TIMM23: variants seen among roughly 807,000 people sequenced by gnomAD.
TIMM23 encodes mitochondrial import inner membrane translocase subunit Tim23.
In TIMM23, 19 loss-of-function variants were observed where a neutral mutation model predicts 30.7. The ratio of observed to expected loss-of-function variants is 0.62; its 90% confidence interval spans 0.43 to 0.91. The LOEUF (loss-of-function observed/expected upper bound fraction) is 0.91. TIMM23 is among the 40% of genes least tolerant of loss of function. TIMM23 has a pLI of 0.00. For synonymous variants in TIMM23, 78 were observed against 98.5 expected, an observed-to-expected ratio of 0.79 and a Z score of 1.23; for missense variants, 202 against 269.2, an observed-to-expected ratio of 0.75 and a Z score of 1.75.
At chr10:45,998,236 A>G (rs1838407887) in intron 6 of TIMM23, 2 of 281,082 alleles carry the variant, frequency 7.1e-6, no homozygotes, top group South Asian at 2.7e-4. Context: ...TGTGCTTTAA[A>G]GTCATTGTCA....
In TIMM23 at chr10:45,976,145, T is replaced by C. The variant is rs1406077806; in HGVS notation, c.165+633T>C. Among the ~76,000 whole-genome samples, 16 of 152,276 alleles carry C rather than the reference T, an allele frequency of 1.1e-4. No homozygotes were observed. The East Asian group carries it at 2.3e-3, about 22-fold the overall frequency. On this transcript the variant is annotated intron_variant, in intron 2 of 6. Coordinates refer to ENST00000580018, the MANE Select transcript of TIMM23 (RefSeq NM_006327.4). ...TCCAAGATATATTAGGAAATATATC[T>C]TGGGTATATTAGAAAAGCAAGGTTG...
At chr10:45,996,831 G>C (rs2132279825) in intron 6 of TIMM23, among the ~76,000 whole-genome samples, 1 of 151,964 alleles carries the variant, frequency 6.6e-6, no homozygotes, top group African/African-American at 2.4e-5. Flanking sequence ...CGGGCTTGGT[G>C]GTGGGCACCT....
intron 6 of TIMM23, chr10:45,998,368 C>T (rs906359769): frequency 4.5e-5 from 44 of 985,176 alleles, no homozygotes; most frequent in Non-Finnish European, 5.3e-5. Flanking sequence ...TTTGGAAGAA[C>T]TACATAAGGA....
chr10:45,978,414 A>T lies in TIMM23; in HGVS notation c.165+2902A>T, dbSNP rs1254295502. On this transcript the variant is annotated intron_variant, in intron 2 of 6. Coordinates refer to ENST00000580018, the MANE Select transcript of TIMM23 (RefSeq NM_006327.4). ...AAAATATTTGCATATTATGTATCTGATAAGGAATTTATATCTAGAATATTT... is the reference window on the plus strand; with the variant it reads ...AAAATATTTGCATATTATGTATCTGTTAAGGAATTTATATCTAGAATATTT... Among the ~76,000 whole-genome samples, 79 of 152,342 alleles carry T rather than the reference A, an allele frequency of 5.2e-4. 2 individuals are homozygous for T. The highest frequency in any genetic ancestry group is 1.9e-3 in the African/African-American group (79 of 41,574).
At chr10:45,988,959 C>T (rs1226791089) in intron 6 of TIMM23, 112 bp downstream of exon 6, 2 of 788,428 alleles carry the variant, frequency 2.5e-6, no homozygotes, top group East Asian at 2.5e-5. Context: ...AGTGTTCTAA[C>T]TTTATGGTTA....
intron 2 of TIMM23, among the ~76,000 whole-genome samples, chr10:45,981,981 T>C (rs1307999083): frequency 1.2e-4 from 19 of 152,174 alleles, no homozygotes; most frequent in African/African-American, 4.3e-4. Context: ...TTACTAGAAA[T>C]AGGGTCTATA....
chr10:45,999,880 A>G (rs908019455), intron 6 of TIMM23, among the ~76,000 whole-genome samples: 6 of 152,172 alleles, frequency 3.9e-5, no homozygotes, highest in African/African-American at 1.4e-4. Flanking sequence ...CTATACCCCC[A>G]GGCGCGTATT....
At chr10:45,999,360 G>A (rs1240651882) in intron 6 of TIMM23, among the ~76,000 whole-genome samples, 1 of 152,102 alleles carries the variant, frequency 6.6e-6, no homozygotes, top group African/African-American at 2.4e-5. Context: ...CCCGATAGTC[G>A]CGTACATTCT....
intron 6 of TIMM23, among the ~76,000 whole-genome samples, chr10:46,002,808 G>GTT (rs1249590709): frequency 1.3e-4 from 15 of 115,476 alleles, no homozygotes; most frequent in Non-Finnish European, 1.8e-4. Context: ...CCATTTCATA[G>GTT]TATTTTTTTT....
chr10:45,994,475 A>T (rs1383275806), intron 6 of TIMM23, among the ~76,000 whole-genome samples: 2 of 124,228 alleles, frequency 1.6e-5, no homozygotes, highest in South Asian at 5.8e-4. Flanking sequence ...TTTTTTTGAC[A>T]GGGTCTCAGA....
At chr10:45,982,500 G>C (rs1272569531) in intron 2 of TIMM23, 23 bp from the exon 3 acceptor site, 16 of 1,612,224 alleles carry the variant, frequency 9.9e-6, no homozygotes, top group Admixed American at 1.7e-5. Context: ...CACTCAGCTT[G>C]GTTTTCATTA....
At chr10:45,987,590 T>C (rs1385065893) in intron 5 of TIMM23, among the ~76,000 whole-genome samples, 2 of 151,252 alleles carry the variant, frequency 1.3e-5, no homozygotes, top group Non-Finnish European at 2.9e-5. Flanking sequence ...AACACATACT[T>C]AACATTTGCG....
chr10:46,001,098 T>G (rs1838518854), intron 6 of TIMM23, among the ~76,000 whole-genome samples: 1 of 152,244 alleles, frequency 6.6e-6, no homozygotes, highest in Non-Finnish European at 1.5e-5. Context: ...CACTTTCAGC[T>G]CTGCAGCTTT....
chr10:45,975,325 G>A (rs1837634364), intron 1 of TIMM23, 129 bp from the exon 2 acceptor site: 6 of 1,291,988 alleles, frequency 4.6e-6, no homozygotes, highest in Non-Finnish European at 6.7e-6. Context: ...GATAAAATGG[G>A]AAAAAATTTT....
At chr10:45,978,700 GAT>G (rs1465001538) in intron 2 of TIMM23, among the ~76,000 whole-genome samples, 2 of 152,106 alleles carry the variant, frequency 1.3e-5, no homozygotes, top group South Asian at 2.1e-4. Flanking sequence ...AATGTAAAAT[GAT>G]ACAGCTGCTT....
intron 5 of TIMM23, 144 bp downstream of exon 5, chr10:45,985,585 T>A: frequency 9.7e-7 from 1 of 1,026,888 alleles, no homozygotes; most frequent in Non-Finnish European, 1.5e-6. Context: ...AGATACTACT[T>A]AGGGAAAGAC....
chr10:45,985,106 T>C (rs1373533437), intron 4 of TIMM23, among the ~76,000 whole-genome samples: 2 of 152,028 alleles, frequency 1.3e-5, no homozygotes, highest in Admixed American at 1.3e-4. Context: ...CATTATATTA[T>C]ACATTTAATA....
intron 6 of TIMM23, among the ~76,000 whole-genome samples, chr10:46,002,120 C>T (rs1042977440): frequency 6.6e-6 from 1 of 152,016 alleles, no homozygotes. Context: ...GAGATTGATG[C>T]GTCAGTGCAT....
At chr10:45,974,493 C>T (rs1463266951) in intron 1 of TIMM23, among the ~76,000 whole-genome samples, 3 of 152,158 alleles carry the variant, frequency 2.0e-5, no homozygotes, top group Non-Finnish European at 2.9e-5. Flanking sequence ...AGTCTGTCTT[C>T]GTAGTTACAA....
Sources: allele counts gnomAD v4.1 joint callset (sites outside exome capture counted in the v4.1 genomes callset), GRCh38; gene constraint gnomAD v4.1.1; transcripts MANE v1.5; gene names NCBI Gene and HGNC (gene_info 2026-07-23, HGNC 2026-07-21).